TFDP2: variants seen among roughly 807,000 people sequenced by gnomAD.
TFDP2 encodes the protein transcription factor Dp-2, also known as transcription factor Dp-2 (E2F dimerization partner 2).
A neutral mutation model predicts 59.3 loss-of-function variants in TFDP2; 17 were observed. The ratio of observed to expected loss-of-function variants is 0.29; its 90% confidence interval spans 0.20 to 0.43. The LOEUF is 0.43. Ranked by LOEUF, TFDP2 falls within the 20% of genes least tolerant of loss-of-function variation. TFDP2 has a pLI of 1.00. For synonymous variants in TFDP2, 180 were observed against 194.7 expected, an observed-to-expected ratio of 0.92 and a Z score of 0.63; for missense variants, 391 against 528.8, an observed-to-expected ratio of 0.74 and a Z score of 2.56.
chr3:142,036,662 A>G (rs1946708263), intron 3 of TFDP2, among the ~76,000 whole-genome samples: 1 of 152,200 alleles, frequency 6.6e-6, no homozygotes, highest in African/African-American at 2.4e-5. Flanking sequence ...CACTTGATCA[A>G]ATACCTTCAG....
intron 2 of TFDP2, among the ~76,000 whole-genome samples, chr3:142,099,022 CAA>C (rs2061246472): frequency 6.6e-6 from 1 of 152,064 alleles, no homozygotes; most frequent in Admixed American, 6.5e-5. Flanking sequence ...TAACTCTTCA[CAA>C]AAAAACTGTT....
intron 3 of TFDP2, among the ~76,000 whole-genome samples, chr3:142,041,341 C>G (rs995756945): frequency 1.3e-5 from 2 of 152,220 alleles, no homozygotes; most frequent in African/African-American, 4.8e-5. Flanking sequence ...TCATCTTGAA[C>G]TGTAATTCCC....
intron 3 of TFDP2, among the ~76,000 whole-genome samples, chr3:142,057,315 A>G (rs2059779961): frequency 6.6e-6 from 1 of 152,262 alleles, no homozygotes; most frequent in African/African-American, 2.4e-5. Context: ...AGTACAGCTT[A>G]ATCACTTGAG....
At chr3:142,109,125 G>A (rs1370980538) in intron 1 of TFDP2, among the ~76,000 whole-genome samples, 1 of 152,162 alleles carries the variant, frequency 6.6e-6, no homozygotes, top group Non-Finnish European at 1.5e-5. Flanking sequence ...CAGGAACCCT[G>A]TGCATTTTGT....
chr3:142,138,048 C>T (rs889461932), intron 1 of TFDP2, among the ~76,000 whole-genome samples: 7 of 152,166 alleles, frequency 4.6e-5, no homozygotes, highest in Non-Finnish European at 7.3e-5. Context: ...GCCTCAATTT[C>T]AGAGCCTGAT....
intron 3 of TFDP2, among the ~76,000 whole-genome samples, chr3:142,070,825 T>G (rs1360435520): frequency 1.3e-5 from 2 of 152,238 alleles, no homozygotes; most frequent in African/African-American, 2.4e-5. Flanking sequence ...TTGCTCCTGG[T>G]ACATCATTGG....
intron 1 of TFDP2, among the ~76,000 whole-genome samples, chr3:142,118,705 A>T (rs1699930581): frequency 6.6e-6 from 1 of 152,210 alleles, no homozygotes; most frequent in Admixed American, 6.5e-5. Context: ...AAACTTAATA[A>T]AAGACACTGA....
At chr3:142,032,251 GCAC>G (rs1319522244) in intron 3 of TFDP2, among the ~76,000 whole-genome samples, 1 of 152,028 alleles carries the variant, frequency 6.6e-6, no homozygotes, top group Admixed American at 6.6e-5. Context: ...CCACAGGTGT[GCAC>G]CACCATGCCT....
chr3:142,134,041 GAAA>G (rs756738906), intron 1 of TFDP2, among the ~76,000 whole-genome samples: 1 of 115,742 alleles, frequency 8.6e-6, no homozygotes. Flanking sequence ...CTCCAGAAAA[GAAA>G]AAAAAAAAGA....
intron 6 of TFDP2, among the ~76,000 whole-genome samples, chr3:141,979,107 G>A (rs952416982): frequency 2.0e-5 from 3 of 151,898 alleles, no homozygotes; most frequent in Non-Finnish European, 2.9e-5. Context: ...GTCAATGATG[G>A]GCCGCATATA....
chr3:142,092,580 A>G (rs565013685), intron 3 of TFDP2, among the ~76,000 whole-genome samples: 1 of 152,138 alleles, frequency 6.6e-6, no homozygotes, highest in Admixed American at 6.5e-5. Context: ...CGGCCTCCCA[A>G]AGTGCTGGGA....
At chr3:142,030,067 T>C (rs902803103) in intron 3 of TFDP2, among the ~76,000 whole-genome samples, 2 of 152,230 alleles carry the variant, frequency 1.3e-5, no homozygotes, top group African/African-American at 4.8e-5. Flanking sequence ...CACCAGTGTC[T>C]AAAACAGTGT....
intron 9 of TFDP2, among the ~76,000 whole-genome samples, chr3:141,968,382 T>A (rs866665181): frequency 1.1e-5 from 1 of 89,032 alleles, no homozygotes; most frequent in Non-Finnish European, 2.4e-5. Context: ...AACATATATC[T>A]CATATATATA....
intron 9 of TFDP2, among the ~76,000 whole-genome samples, chr3:141,965,587 A>G (rs1937898377): frequency 7.2e-6 from 1 of 139,086 alleles, no homozygotes; most frequent in East Asian, 2.1e-4. Context: ...AAGGGGAAGG[A>G]AAGGGGAAGG....
At chr3:142,124,884 G>T (rs2062179845) in intron 1 of TFDP2, among the ~76,000 whole-genome samples, 1 of 152,092 alleles carries the variant, frequency 6.6e-6, no homozygotes, top group African/African-American at 2.4e-5. Flanking sequence ...GAAAAAGTAG[G>T]CAAAGAATAT....
intron 9 of TFDP2, among the ~76,000 whole-genome samples, chr3:141,964,925 C>T (rs75707579): frequency 0.075 from 11,350 of 152,122 alleles, 525 homozygotes; most frequent in Non-Finnish European, 0.11. Flanking sequence ...TGGATCTTGC[C>T]GCTACTTTTA....
intron 3 of TFDP2, among the ~76,000 whole-genome samples, chr3:142,044,982 TTCTATGGCAA>T (rs1947256620): frequency 1.3e-5 from 2 of 152,202 alleles, no homozygotes; most frequent in African/African-American, 4.8e-5. Flanking sequence ...GTTGGTTTCC[TTCTATGGCAA>T]TCTGCTATCT....
intron 1 of TFDP2, among the ~76,000 whole-genome samples, chr3:142,115,267 T>C (rs760110767): frequency 1.3e-5 from 2 of 152,050 alleles, no homozygotes; most frequent in Non-Finnish European, 2.9e-5. Context: ...AACTTCATTG[T>C]TATCAGTTTG....
Position 142,005,607 on chromosome 3 carries a change from T to C in TFDP2, c.83-63A>G, listed in dbSNP as rs1022598491. On this transcript the variant is annotated intron_variant, in intron 3 of 12. Coordinates refer to ENST00000489671, the MANE Select transcript of TFDP2 (RefSeq NM_001178139.2). ...ATACCAAGGCCATTTTCTAGCTATA[T>C]ACACACCCATGGTCCTAATTCATTA... The C allele has an allele frequency of 9.3e-6, 10 of 1,079,548 alleles. No individual in the cohort carries two copies. In the African/African-American group the frequency reaches 1.6e-4, roughly 17 times the overall value. 66.9% of individuals were successfully genotyped at this position (1,079,548 alleles called of 1,614,324 possible).
Sources: allele counts gnomAD v4.1 joint callset (sites outside exome capture counted in the v4.1 genomes callset), GRCh38; gene constraint gnomAD v4.1.1; transcripts MANE v1.5; gene names NCBI Gene and HGNC (gene_info 2026-07-23, HGNC 2026-07-21).